Variants in H3-7 observed in about 807,000 individuals in gnomAD.
H3-7 encodes histone H3-7.
At chr1:143,905,652 G>C in the H3-7 span, 18 of 1,582,846 alleles carry the variant, frequency 1.1e-5, 4 homozygotes, top group Non-Finnish European at 1.4e-5. Flanking sequence ...TCGTGTCTTC[G>C]AACAGCCCCA....
At chr1:143,904,353 T>C in the H3-7 span, 16 of 1,582,590 alleles carry the variant, frequency 1.0e-5, 3 homozygotes, top group Admixed American at 8.4e-5. Context: ...GCGCTTGTTG[T>C]AGTGCGCCAG....
the H3-7 span, chr1:143,904,322 C>T: frequency 6.3e-7 from 1 of 1,582,618 alleles, no homozygotes; most frequent in South Asian, 1.1e-5. Flanking sequence ...CCGTCTGGAT[C>T]TCGCGGGACG....
At chr1:143,905,699 C>T in the H3-7 span, 18 of 1,582,810 alleles carry the variant, frequency 1.1e-5, 5 homozygotes, top group African/African-American at 4.0e-5. Context: ...AGCGCCATCA[C>T]GGCCGAGCTC....
chr1:143,904,516 G>A, the H3-7 span: 5 of 1,605,594 alleles, frequency 3.1e-6, no homozygotes, highest in South Asian at 1.1e-5. Flanking sequence ...CTGCGCTTGC[G>A]CTTCTCGCCG....
At chr1:143,904,468 G>A in the H3-7 span, 6 of 1,596,500 alleles carry the variant, frequency 3.8e-6, no homozygotes, top group African/African-American at 8.1e-5. Context: ...ACCTGCTTCA[G>A]CACCTCCTAC....
At chr1:143,905,534 A>G in the H3-7 span, 5 of 1,526,176 alleles carry the variant, frequency 3.3e-6, 1 homozygote, top group African/African-American at 5.5e-5. Context: ...GAGCCTTTAG[A>G]TCGACCACTT....
the H3-7 span, chr1:143,904,334 G>A: frequency 6.3e-7 from 1 of 1,582,610 alleles, no homozygotes; most frequent in Non-Finnish European, 8.7e-7. Flanking sequence ...CGCGGGACGT[G>A]ATGGTGGAGC....
chr1:143,905,623 G>T, the H3-7 span: 10 of 1,582,644 alleles, frequency 6.3e-6, no homozygotes, highest in Admixed American at 1.7e-4. Flanking sequence ...CACGCGCTTG[G>T]CATGGATGGC....
At chr1:143,904,695 C>A in the H3-7 span, 1 of 1,372,440 alleles carries the variant, frequency 7.3e-7, no homozygotes, top group South Asian at 1.3e-5. Flanking sequence ...AGCCTGTATG[C>A]AAATGAAGAC....
At chr1:143,905,874 C>G in the H3-7 span, 1 of 1,580,456 alleles carries the variant, frequency 6.3e-7, no homozygotes, top group African/African-American at 1.3e-5. Flanking sequence ...CGCCCGTGGC[C>G]GGCGCGCTCT....
At chr1:143,905,721 G>A in the H3-7 span, 53 of 1,582,406 alleles carry the variant, frequency 3.3e-5, 7 homozygotes, top group African/African-American at 1.8e-4. Context: ...GGAAGCGCAG[G>A]TCCGTCTTAA....
At chr1:143,905,967 G>C in the H3-7 span, 4 of 1,578,966 alleles carry the variant, frequency 2.5e-6, 1 homozygote, top group East Asian at 9.1e-5. Flanking sequence ...TACGGGCCAT[G>C]CTGTCTCATT....
the H3-7 span, chr1:143,904,300 G>A: frequency 3.5e-5 from 55 of 1,584,276 alleles, 6 homozygotes; most frequent in Admixed American, 7.4e-4. Context: ...CCGGGCAGCA[G>A]CAGGCGCACG....
the H3-7 span, chr1:143,905,366 G>T: frequency 3.7e-5 from 21 of 562,012 alleles, 2 homozygotes; most frequent in Non-Finnish European, 6.4e-5. Context: ...TGCCTCTGCG[G>T]CTTTCTCTAC....
chr1:143,902,841 TCCCA>T, the H3-7 span, among the ~76,000 whole-genome samples: 2 of 146,096 alleles, frequency 1.4e-5, no homozygotes, highest in Non-Finnish European at 3.1e-5. Flanking sequence ...CCTCGTCAGG[TCCCA>T]CCTCCAGTCT....
chr1:143,904,791 T>G, the H3-7 span: 13 of 603,692 alleles, frequency 2.2e-5, no homozygotes, highest in African/African-American at 1.9e-4. Flanking sequence ...ATTCTAGTCT[T>G]GCTTCCTTAA....
At chr1:143,905,381 G>T in the H3-7 span, 43 of 575,996 alleles carry the variant, frequency 7.5e-5, 7 homozygotes, top group Non-Finnish European at 1.0e-4. Flanking sequence ...CTCTACTGCC[G>T]GCCAACTCAC....
At chr1:143,905,388 T>C in the H3-7 span, 3 of 590,096 alleles carry the variant, frequency 5.1e-6, no homozygotes, top group Admixed American at 9.5e-5. Flanking sequence ...GCCGGCCAAC[T>C]CACGGCTGGG....
chr1:143,904,445 G>C, the H3-7 span: 2 of 1,586,684 alleles, frequency 1.3e-6, no homozygotes, highest in African/African-American at 1.3e-5. Flanking sequence ...ACGAGATGCC[G>C]GTGTCGGGGT....
Sources: allele counts gnomAD v4.1 joint callset (sites outside exome capture counted in the v4.1 genomes callset), GRCh38; gene constraint gnomAD v4.1.1; transcripts MANE v1.5; gene names NCBI Gene and HGNC (gene_info 2026-07-23, HGNC 2026-07-21).